PALS1: variants seen among roughly 807,000 people sequenced by gnomAD.
PALS1 encodes the protein protein associated with LIN7 1, MAGUK p55 family member.
Under a neutral mutation model 78.9 loss-of-function variants are expected in PALS1, and 31 were observed. The observed-to-expected ratio is 0.39, with a 90% CI of 0.30 to 0.53. The LOEUF is 0.53. Ranked by LOEUF, PALS1 falls within the 20% of genes least tolerant of loss-of-function variation. The pLI, the probability that PALS1 is intolerant of heterozygous loss-of-function variation, is 0.67. For synonymous variants in PALS1, 276 were observed against 270.9 expected, an observed-to-expected ratio of 1.02 and a Z score of -0.18; for missense variants, 704 against 826.5, an observed-to-expected ratio of 0.85 and a Z score of 1.82.
intron 8 of PALS1, 109 bp from the exon 9 acceptor site, chr14:67,312,418 A>T: frequency 1.3e-6 from 1 of 783,898 alleles, no homozygotes; most frequent in East Asian, 3.1e-5. Flanking sequence ...TCTCTATTAA[A>T]TTTTTTTAAA....
intron 1 of PALS1, among the ~76,000 whole-genome samples, chr14:67,268,360 C>CCCCCCAGAT (rs1467828322): frequency 1.1e-4 from 16 of 152,168 alleles, no homozygotes; most frequent in Non-Finnish European, 2.4e-4. Context: ...CGATCCAGAT[C>CCCCCCAGAT]CCAGAGAGGG....
In PALS1 at chr14:67,292,653, A is replaced by C; in HGVS notation, c.510A>C (p.Thr170=). Residue 170 remains threonine, a synonymous_variant, in exon 4 of 15, where the codon ACA becomes ACC. Coordinates refer to ENST00000261681, the MANE Select transcript of PALS1 (RefSeq NM_022474.4). ...QNAFKIHNAI[T]VHMNKASPPF... Reference sequence around the variant, plus strand: ...CATTTAAGATACACAATGCCATCACAGTACACATGAACAAGGCCAGTCCTC... The same window carrying C: ...CATTTAAGATACACAATGCCATCACCGTACACATGAACAAGGCCAGTCCTC... The C allele has an allele frequency of 6.2e-7, 1 of 1,613,806 alleles. No individual in the cohort carries two copies. The highest frequency in any genetic ancestry group is 2.2e-5 in the East Asian group (1 of 44,794).
At chr14:67,284,741 A>G (rs2084659474) in intron 3 of PALS1, among the ~76,000 whole-genome samples, 1 of 151,938 alleles carries the variant, frequency 6.6e-6, no homozygotes, top group South Asian at 2.1e-4. Flanking sequence ...GAAATTACAT[A>G]ACATAGGCTC....
chr14:67,323,232 C>CATGTGTGTATGTGTGT (rs57594216), intron 13 of PALS1, among the ~76,000 whole-genome samples: 114 of 143,618 alleles, frequency 7.9e-4, no homozygotes, highest in Non-Finnish European at 1.3e-3. Flanking sequence ...CATATATACA[C>CATGTGTGTATGTGTGT]GTGTGTGTGT....
At chr14:67,274,969 T>G (rs1421375654) in intron 2 of PALS1, among the ~76,000 whole-genome samples, 1 of 152,244 alleles carries the variant, frequency 6.6e-6, no homozygotes, top group Non-Finnish European at 1.5e-5. Context: ...TGCACATTGA[T>G]TTTGTATCCT....
At chr14:67,307,591 T>C (rs2085023127) in intron 8 of PALS1, among the ~76,000 whole-genome samples, 1 of 152,360 alleles carries the variant, frequency 6.6e-6, no homozygotes, top group African/African-American at 2.4e-5. Context: ...ATTATAGGTA[T>C]AAAAATGTAT....
At chr14:67,300,086 G>A (rs1211336346) in intron 4 of PALS1, among the ~76,000 whole-genome samples, 1 of 152,094 alleles carries the variant, frequency 6.6e-6, no homozygotes, top group Non-Finnish European at 1.5e-5. Flanking sequence ...AGTTCTTGAA[G>A]AAGATAATAT....
At chr14:67,272,101 T>C (rs2084417397) in intron 2 of PALS1, 1 of 151,738 alleles carries the variant, frequency 6.6e-6, no homozygotes, top group Non-Finnish European at 1.5e-5. Flanking sequence ...TTAATAACCA[T>C]AGTATCTAGC....
At chr14:67,302,840 T>G (rs2084950042) in intron 7 of PALS1, among the ~76,000 whole-genome samples, 1 of 152,134 alleles carries the variant, frequency 6.6e-6, no homozygotes, top group Non-Finnish European at 1.5e-5. Context: ...CAGTACATAT[T>G]TATTGAGTGC....
intron 8 of PALS1, among the ~76,000 whole-genome samples, chr14:67,310,403 G>C (rs1398372534): frequency 6.6e-6 from 1 of 152,068 alleles, no homozygotes; most frequent in Non-Finnish European, 1.5e-5. Context: ...AATATACAGG[G>C]GAAAATAATC....
rs373663794 is a variant in PALS1, at chr14:67,300,318, T to G, written c.577-1071T>G. 7.6e-4 allele frequency among the ~76,000 whole-genome samples: 114 copies of G among 149,064 alleles called. 4 individuals are homozygous for G. The South Asian group carries it at 0.024, about 32-fold the overall frequency. On this transcript the variant is annotated intron_variant, in intron 4 of 14. Coordinates refer to ENST00000261681, the MANE Select transcript of PALS1 (RefSeq NM_022474.4). ...CATAAAAGGTATAGAATTACTGGGT[T>G]CCTGTATTATGAATTACCTTTTTTT...
At chr14:67,313,282 C>A (rs1382588530) in intron 9 of PALS1, among the ~76,000 whole-genome samples, 1 of 152,172 alleles carries the variant, frequency 6.6e-6, no homozygotes, top group East Asian at 1.9e-4. Context: ...AAAGTACAGT[C>A]ATGCATCACT....
rs578198074 is a variant in PALS1, at chr14:67,276,884, C to T, written c.-153-2134C>T. On this transcript the variant is annotated intron_variant, in intron 2 of 14. Coordinates refer to ENST00000261681, the MANE Select transcript of PALS1 (RefSeq NM_022474.4). ...TCCCTCATAGTGTAGTGAATATGGA[C>T]ACAGATGTAGAGCTTTTAAGCTGAG... 2.0e-5 allele frequency among the ~76,000 whole-genome samples: 3 copies of T among 152,240 alleles called. No homozygotes were observed. The South Asian group carries it at 6.2e-4, about 32-fold the overall frequency.
intron 14 of PALS1, among the ~76,000 whole-genome samples, chr14:67,327,048 A>G (rs1223381103): frequency 1.2e-4 from 18 of 152,020 alleles, no homozygotes. Flanking sequence ...GGTGGCATGC[A>G]CCTGTAATCC....
At chr14:67,259,159 A>T (rs1316877202) in intron 1 of PALS1, among the ~76,000 whole-genome samples, 1 of 151,780 alleles carries the variant, frequency 6.6e-6, no homozygotes, top group Non-Finnish European at 1.5e-5. Context: ...AACTTTTAAC[A>T]TTGTCATAAA....
chr14:67,305,287 T>C (rs7160238), intron 8 of PALS1, among the ~76,000 whole-genome samples: 1 of 146,776 alleles, frequency 6.8e-6, no homozygotes, highest in African/African-American at 2.5e-5. Flanking sequence ...AGTTAAGACA[T>C]TTTTTTTTTT....
At chr14:67,267,986 A>G (rs1009712811) in intron 1 of PALS1, among the ~76,000 whole-genome samples, 15 of 152,208 alleles carry the variant, frequency 9.9e-5, no homozygotes, top group African/African-American at 3.6e-4. Flanking sequence ...TCCCAGCTGA[A>G]GGATAGTGTG....
At chr14:67,255,176 A>G (rs2084127418) in intron 1 of PALS1, among the ~76,000 whole-genome samples, 1 of 152,118 alleles carries the variant, frequency 6.6e-6, no homozygotes, top group Non-Finnish European at 1.5e-5. Context: ...CGAATCTCTT[A>G]TAATGCTTTT....
chr14:67,299,111 AGG>A (rs1350993130), intron 4 of PALS1, among the ~76,000 whole-genome samples: 4 of 152,228 alleles, frequency 2.6e-5, no homozygotes, highest in Non-Finnish European at 2.9e-5. Flanking sequence ...TCTAGCAGGT[AGG>A]TAATGGTATC....
Sources: allele counts gnomAD v4.1 joint callset (sites outside exome capture counted in the v4.1 genomes callset), GRCh38; gene constraint gnomAD v4.1.1; transcripts MANE v1.5; gene names NCBI Gene and HGNC (gene_info 2026-07-23, HGNC 2026-07-21).